The following SNTG1 variants were observed in gnomAD, a reference collection of about 807,000 sequenced individuals.
SNTG1 encodes the protein gamma-1-syntrophin.
SNTG1 carries 39 observed loss-of-function variants against 74.7 expected under a neutral mutation model. The ratio of observed to expected loss-of-function variants is 0.52; its 90% CI spans 0.40 to 0.68. The LOEUF is 0.68. Ranked by LOEUF, SNTG1 falls within the 30% of genes least tolerant of loss-of-function variation. SNTG1 has a pLI of 0.00. For missense variants in SNTG1, 685 were observed against 609.5 expected (o/e 1.12, Z -1.30); for synonymous variants, 254 against 217.1 (o/e 1.17, Z -1.49).
At chr8:50,377,759 A>T (rs1333546769) in intron 2 of SNTG1, among the ~76,000 whole-genome samples, 1 of 152,228 alleles carries the variant, frequency 6.6e-6, no homozygotes, top group Non-Finnish European at 1.5e-5. Flanking sequence ...TAGACATTTG[A>T]AGCCCACATA....
intron 17 of SNTG1, among the ~76,000 whole-genome samples, chr8:50,744,967 A>G (rs924696150): frequency 6.6e-6 from 1 of 152,020 alleles, no homozygotes; most frequent in Non-Finnish European, 1.5e-5. Context: ...AGCATAGGGG[A>G]AAAGCTTCAT....
intron 1 of SNTG1, among the ~76,000 whole-genome samples, chr8:50,155,851 G>T (rs530226226): frequency 1.3e-5 from 2 of 151,808 alleles, no homozygotes; most frequent in African/African-American, 4.8e-5. Context: ...AAAGACAAAA[G>T]TTGTTTGAAA....
At chr8:50,407,338 C>T (rs1252545197) in intron 4 of SNTG1, among the ~76,000 whole-genome samples, 3 of 152,092 alleles carry the variant, frequency 2.0e-5, no homozygotes, top group African/African-American at 4.8e-5. Context: ...GGCAAGGATG[C>T]TATTTTGTTA....
At chr8:50,727,909 G>A (rs1308814678) in intron 17 of SNTG1, among the ~76,000 whole-genome samples, 1 of 152,136 alleles carries the variant, frequency 6.6e-6, no homozygotes. Flanking sequence ...TGTGTTAAGG[G>A]ACAATTATCC....
intron 8 of SNTG1, among the ~76,000 whole-genome samples, chr8:50,487,351 G>A (rs1356081973): frequency 6.6e-6 from 1 of 152,158 alleles, no homozygotes; most frequent in African/African-American, 2.4e-5. Context: ...TATACCCAAA[G>A]TACTATAAAT....
At chr8:50,258,190 T>C (rs990683958) in intron 2 of SNTG1, among the ~76,000 whole-genome samples, 12 of 152,230 alleles carry the variant, frequency 7.9e-5, no homozygotes, top group African/African-American at 2.9e-4. Flanking sequence ...ATGCTGAGTT[T>C]TCACTGCTAG....
intron 3 of SNTG1, among the ~76,000 whole-genome samples, chr8:50,401,320 G>C (rs2092802826): frequency 6.6e-6 from 1 of 152,098 alleles, no homozygotes. Context: ...GCACTTTCTA[G>C]GGAGAATATT....
At chr8:50,633,308 G>A (rs1369067682) in intron 13 of SNTG1, among the ~76,000 whole-genome samples, 1 of 152,142 alleles carries the variant, frequency 6.6e-6, no homozygotes, top group Non-Finnish European at 1.5e-5. Flanking sequence ...CTCAGGCCTG[G>A]TACTCTGAAA....
chr8:50,739,374 C>T (rs1289572905), intron 17 of SNTG1, among the ~76,000 whole-genome samples: 1 of 152,038 alleles, frequency 6.6e-6, no homozygotes. Flanking sequence ...CACCATCTCA[C>T]ACCAATTAGA....
At chr8:50,635,636 C>T (rs141806140) in intron 13 of SNTG1, among the ~76,000 whole-genome samples, 2 of 152,240 alleles carry the variant, frequency 1.3e-5, no homozygotes, top group East Asian at 1.9e-4. Context: ...AGGCCACTGA[C>T]GAGTCCACTC....
chr8:50,475,629 CAATGGTGACAAT>C (rs1295128387), intron 8 of SNTG1, among the ~76,000 whole-genome samples: 1 of 152,094 alleles, frequency 6.6e-6, no homozygotes. Flanking sequence ...AACCAAGAGG[CAATGGTGACAAT>C]AATGCTGTCT....
At chr8:50,627,463 G>A (rs2094964081) in intron 13 of SNTG1, among the ~76,000 whole-genome samples, 1 of 152,146 alleles carries the variant, frequency 6.6e-6, no homozygotes, top group South Asian at 2.1e-4. Context: ...AGCAGACAAA[G>A]TGGGCCCAGC....
intron 10 of SNTG1, among the ~76,000 whole-genome samples, chr8:50,534,695 C>A (rs1262438747): frequency 6.6e-6 from 1 of 152,074 alleles, no homozygotes; most frequent in East Asian, 1.9e-4. Context: ...GCAGGAGGAC[C>A]ACTTGACCCC....
At chr8:50,197,490 G>T (rs567247510) in intron 2 of SNTG1, among the ~76,000 whole-genome samples, 86 of 152,182 alleles carry the variant, frequency 5.7e-4, no homozygotes, top group African/African-American at 1.9e-3. Context: ...GTTCTCCAGA[G>T]ATTGACTTTG....
rs181557810 is a variant in SNTG1 at position 49,997,618 on chromosome 8, G to T, written c.-103+85387G>T. ...TAGTGAGACCTAGTGGATTAGCAATGAGTATATTTGTCACAACTGATCATT... is the reference window on the plus strand; with the variant it reads ...TAGTGAGACCTAGTGGATTAGCAATTAGTATATTTGTCACAACTGATCATT... On this transcript the variant is annotated intron_variant, in intron 1 of 18. Transcript: ENST00000642720. Among the ~76,000 whole-genome samples, 11 of 152,238 alleles carry T rather than the reference G, an allele frequency of 7.2e-5. No homozygotes were observed. The East Asian group carries it at 1.9e-3, about 27-fold the overall frequency.
chr8:50,650,388 G>T lies in SNTG1; in HGVS notation c.850-6521G>T, dbSNP rs549144560. Among the ~76,000 whole-genome samples the T allele has an allele frequency of 3.0e-3, 462 of 151,982 alleles. 3 individuals are homozygous for T. The highest frequency in any genetic ancestry group is 0.011 in the African/African-American group (445 of 41,450). On this transcript the variant is annotated intron_variant, in intron 13 of 18. Transcript: ENST00000642720. ...AATTTCCCTTTTTATAAATATTCTT[G>T]TCAGGTGCTGTTCCTTTAGATTCAT...
chr8:50,500,403 A>G lies in SNTG1; in HGVS notation c.364-2375A>G, dbSNP rs180740574. On this transcript the variant is annotated intron_variant, in intron 8 of 18. Coordinates refer to ENST00000642720, the MANE Select transcript of SNTG1 (RefSeq NM_018967.5). ...GTATAATATCTATTTGGATATTATA[A>G]CATAACTTTTTTGGCTGAAATTTTA... Among the ~76,000 whole-genome samples, 152 of 152,186 alleles carry G rather than the reference A, an allele frequency of 1.0e-3. 3 individuals are homozygous for G. The highest frequency in any genetic ancestry group is 6.5e-4 in the Non-Finnish European group (44 of 67,996).
At chr8:50,670,235 A>G (rs2095273289) in intron 15 of SNTG1, among the ~76,000 whole-genome samples, 1 of 152,216 alleles carries the variant, frequency 6.6e-6, no homozygotes, top group South Asian at 2.1e-4. Flanking sequence ...TCAATTAGGA[A>G]AAGAAGAAGT....
chr8:50,298,814 T>C (rs561259695), intron 2 of SNTG1, among the ~76,000 whole-genome samples: 22 of 152,304 alleles, frequency 1.4e-4, no homozygotes, highest in African/African-American at 5.1e-4. Context: ...TGTTTCAGGC[T>C]AGGGTTTCTA....
Sources: allele counts gnomAD v4.1 joint callset (sites outside exome capture counted in the v4.1 genomes callset), GRCh38; gene constraint gnomAD v4.1.1; transcripts MANE v1.5; gene names NCBI Gene and HGNC (gene_info 2026-07-23, HGNC 2026-07-21).